Variants in PCDHGA8 observed in about 807,000 individuals in gnomAD.
The protein encoded by PCDHGA8 is protocadherin gamma-A8.
In PCDHGA8, 45 loss-of-function variants were observed where a neutral mutation model predicts 59.2. The ratio of observed to expected loss-of-function variants is 0.76; its 90% CI spans 0.60 to 0.98. The LOEUF is 0.98. Among genes scored for constraint, PCDHGA8 ranks in the 50% least tolerant of loss-of-function variants. The pLI is 0.00. For missense variants in PCDHGA8, 1,257 were observed against 1,196.2 expected (o/e 1.05, Z -0.75); for synonymous variants, 531 against 519.0 (o/e 1.02, Z -0.32).
intron 1 of PCDHGA8, chr5:141,422,139 A>C: frequency 1.9e-6 from 3 of 1,588,154 alleles, no homozygotes; most frequent in Non-Finnish European, 2.6e-6. Context: ...AAGTTCAAGT[A>C]CGGGGGTCTC....
In PCDHGA8 at chr5:141,489,116, C is replaced by A; in HGVS notation, c.2425-5691C>A. Reference sequence around the variant, plus strand: ...TAAGAACTGCTGCAAGCAGGCAAACCTCCGAGCAGTTTTTAAGAGGCTGGA... The same window carrying A: ...TAAGAACTGCTGCAAGCAGGCAAACATCCGAGCAGTTTTTAAGAGGCTGGA... On this transcript the variant is annotated intron_variant, in intron 1 of 3. Transcript: ENST00000398604. The surrounding 1 kb of genome is among the most constrained non-coding windows in gnomAD (Gnocchi z 4.5). 3.7e-6 allele frequency: 2 copies of A among 536,398 alleles called. No homozygotes were observed. The highest frequency in any genetic ancestry group is 6.2e-6 in the Non-Finnish European group (2 of 322,530). 33.2% of individuals were successfully genotyped at this position (536,398 alleles called of 1,614,324 possible).
chr5:141,431,726 G>C lies in PCDHGA8; in HGVS notation c.2424+36489G>C. On this transcript the variant is annotated intron_variant, in intron 1 of 3. Coordinates refer to ENST00000398604, the MANE Select transcript of PCDHGA8 (RefSeq NM_032088.2). The surrounding 1 kb of genome is among the most constrained non-coding windows in gnomAD (Gnocchi z 4.8). ...CTACCAGATGGAAGTGCAAGCAATG[G>C]ATAATGCAGGATATTCTGCGCGAGC... The C allele has an allele frequency of 6.2e-7, 1 of 1,614,204 alleles. No homozygotes were observed. Among genetic ancestry groups the C allele is most frequent in the Non-Finnish European group, 8.5e-7 (1 of 1,180,032 alleles).
intron 1 of PCDHGA8, chr5:141,423,426 G>A: frequency 6.2e-7 from 1 of 1,614,028 alleles, no homozygotes; most frequent in Non-Finnish European, 8.5e-7. Context: ...AAGGCGGGTT[G>A]GCAGGTATGC....
At chr5:141,498,967 GGGAGGGAA>G (rs1395523211) in intron 2 of PCDHGA8, among the ~76,000 whole-genome samples, 34 of 129,670 alleles carry the variant, frequency 2.6e-4, no homozygotes, top group Admixed American at 1.5e-3. Flanking sequence ...GAGGGAGGGA[GGGAGGGAA>G]GGAAGGAAGG....
At chr5:141,467,627 G>A (rs2099147481) in intron 1 of PCDHGA8, among the ~76,000 whole-genome samples, 1 of 152,140 alleles carries the variant, frequency 6.6e-6, no homozygotes, top group South Asian at 2.1e-4. Context: ...ATTTGAGATA[G>A]CATCTTTATC....
chr5:141,493,021 G>C lies in PCDHGA8; in HGVS notation c.2425-1786G>C, dbSNP rs1261539371. On this transcript the variant is annotated intron_variant, in intron 1 of 3. Transcript: ENST00000398604. This position sits in a 1 kb window ranked among gnomAD's most constrained non-coding sequence, Gnocchi z 4.3. ...AGCTATAGGCTCTGCCAGATGCCAG[G>C]GTGCCCTTATGTGTGAGGAAACTAC... Among the ~76,000 whole-genome samples, 1 of 152,180 alleles carries C rather than the reference G, an allele frequency of 6.6e-6. No individual in the cohort carries two copies. The highest frequency in any genetic ancestry group is 6.5e-5 in the Admixed American group (1 of 15,284).
At chr5:141,408,097 C>T (rs2095040197) in intron 1 of PCDHGA8, 5 of 1,434,516 alleles carry the variant, frequency 3.5e-6, no homozygotes, top group Non-Finnish European at 3.7e-6. Context: ...TTGCCAGCTC[C>T]GAGACCCGGG....
intron 1 of PCDHGA8, among the ~76,000 whole-genome samples, chr5:141,472,516 G>T (rs545962540): frequency 2.0e-5 from 3 of 152,072 alleles, no homozygotes; most frequent in Non-Finnish European, 4.4e-5. Flanking sequence ...CTCCAGCCTG[G>T]GTGACAGAGT....
intron 1 of PCDHGA8, chr5:141,422,579 C>T: frequency 6.2e-7 from 1 of 1,614,052 alleles, no homozygotes; most frequent in Non-Finnish European, 8.5e-7. Flanking sequence ...GATAACCCTC[C>T]CGTTTTTCCT....
In PCDHGA8 at chr5:141,457,578, C is replaced by T. The variant is rs538068150; in HGVS notation, c.2425-37229C>T. Among the ~76,000 whole-genome samples, 38 of 152,304 alleles carry T rather than the reference C, an allele frequency of 2.5e-4. No individual in the cohort carries two copies. The South Asian group carries it at 7.7e-3, about 31-fold the overall frequency. ...AGCTTTGGAGCAAAATTTTTCTCTC[C>T]AGTCCTCATTTTTGGTAAAAACTAA... On this transcript the variant is annotated intron_variant, in intron 1 of 3. Coordinates refer to ENST00000398604, the MANE Select transcript of PCDHGA8 (RefSeq NM_032088.2).
At chr5:141,399,834 G>A (rs375768001) in intron 1 of PCDHGA8, 3 of 1,613,004 alleles carry the variant, frequency 1.9e-6, no homozygotes, top group African/African-American at 2.7e-5. Flanking sequence ...ACGGCTCTGC[G>A]CTCTTCGATA....
chr5:141,436,048 T>G (rs553708148), intron 1 of PCDHGA8, among the ~76,000 whole-genome samples: 1 of 152,316 alleles, frequency 6.6e-6, no homozygotes, highest in South Asian at 2.1e-4. Context: ...TACATTAGTT[T>G]TCAAATAGAA....
At chr5:141,413,381 G>T in intron 1 of PCDHGA8, 2 of 1,613,946 alleles carry the variant, frequency 1.2e-6, no homozygotes, top group Admixed American at 1.7e-5. Context: ...CGCGGAGTCC[G>T]CATAGTCTCC....
In PCDHGA8 at chr5:141,487,608, G is replaced by T; in HGVS notation, c.2425-7199G>T. 1 of 1,614,182 alleles carries T rather than the reference G, an allele frequency of 6.2e-7. No individual in the cohort carries two copies. The highest frequency in any genetic ancestry group is 8.5e-7 in the Non-Finnish European group (1 of 1,180,042). On this transcript the variant is annotated intron_variant, in intron 1 of 3. Coordinates refer to ENST00000398604, the MANE Select transcript of PCDHGA8 (RefSeq NM_032088.2). The surrounding 1 kb of genome is among the most constrained non-coding windows in gnomAD (Gnocchi z 5.0). ...TGCCCACCCTCTGATCTTCTCTATG[G>T]GCTAGAGGTGAGACCTTTGCAGGCT...
chr5:141,456,888 G>A (rs376401806), intron 1 of PCDHGA8, among the ~76,000 whole-genome samples: 5 of 152,118 alleles, frequency 3.3e-5, no homozygotes, highest in Admixed American at 1.3e-4. Context: ...GCTTGAACCC[G>A]GGAGGCAGAG....
chr5:141,497,573 T>C (rs1231425210), intron 2 of PCDHGA8, among the ~76,000 whole-genome samples: 1 of 149,502 alleles, frequency 6.7e-6, no homozygotes, highest in South Asian at 2.1e-4. Context: ...AGAGTCTTGC[T>C]CTGTTGCCCA....
chr5:141,404,787 G>A (rs1561696267), intron 1 of PCDHGA8: 23 of 1,613,988 alleles, frequency 1.4e-5, no homozygotes, highest in Non-Finnish European at 1.9e-5. Context: ...TTCAAGGCCA[G>A]TGAGCCAGGG....
intron 2 of PCDHGA8, among the ~76,000 whole-genome samples, chr5:141,502,857 ACT>A (rs1332453483): frequency 7.7e-5 from 7 of 91,446 alleles, no homozygotes; most frequent in African/African-American, 4.1e-4. Flanking sequence ...CCTAACCCTG[ACT>A]CTCTGTCTTT....
chr5:141,487,933 A>ACCCTGTG lies in PCDHGA8; in HGVS notation c.2425-6873_2425-6872insCCTGTGC. 1.6e-6 allele frequency: 1 copy of ACCCTGTG among 612,004 alleles called. No individual in the cohort carries two copies. The highest frequency in any genetic ancestry group is 1.8e-5 in the African/African-American group (1 of 54,216). The allele number at this position is 612,004 out of a possible 1,614,324, so 37.9% of individuals were successfully genotyped here. On this transcript the variant is annotated intron_variant, in intron 1 of 3. Coordinates refer to ENST00000398604, the MANE Select transcript of PCDHGA8 (RefSeq NM_032088.2). The surrounding 1 kb of genome is among the most constrained non-coding windows in gnomAD (Gnocchi z 5.0). ...CACAGGAGGCTACAGTGCACAGGGT[A>ACCCTGTG]CAGTGCACCAGGCAGTCACTTGGAC... is the stretch of plus-strand genomic sequence containing the variant.
Sources: gnomAD v4.1 joint callset for allele counts (sites outside exome capture counted in the v4.1 genomes callset) on GRCh38, gnomAD v4.1.1 for gene constraint, Gnocchi (gnomAD v3.1) non-coding constraint, MANE v1.5 for transcripts, NCBI Gene and HGNC (gene_info 2026-07-23, HGNC 2026-07-21) for gene names.